UGT1A3: variants seen among roughly 807,000 people sequenced by gnomAD.
The protein encoded by UGT1A3 is UDP glucuronosyltransferase family 1 member A3, also known as UDP-glucuronosyltransferase 1A3.
Under a neutral mutation model 41.0 loss-of-function variants are expected in UGT1A3, and 31 were observed. That is an observed-to-expected ratio of 0.76 (90% CI 0.57 to 1.02). The LOEUF (loss-of-function observed/expected upper bound fraction) is 1.02. Among genes scored for constraint, UGT1A3 ranks in the 50% least tolerant of loss-of-function variants. UGT1A3 has a pLI of 0.00. For synonymous variants in UGT1A3, 262 were observed against 257.6 expected (o/e 1.02, Z -0.17); for missense variants, 737 against 671.0 (o/e 1.10, Z -1.09).
At position 233,729,551 on chromosome 2, in the gene UGT1A3, A is replaced by G. The variant is rs749535297; in HGVS notation, c.425A>G (p.Asn142Ser). ...AATGAGGCCCTGATCAGGCACCTGAATGCTACTTCCTTTGATGTGGTTTTA... is the reference window on the plus strand; with the variant it reads ...AATGAGGCCCTGATCAGGCACCTGAGTGCTACTTCCTTTGATGTGGTTTTA... ...LHNEALIRHLNATSFDVVLTD... is the reference protein window; with the variant it reads ...LHNEALIRHLSATSFDVVLTD... Residue 142 changes from asparagine (N) to serine (S), a missense_variant, in exon 1 of 5, where the codon AAT becomes AGT. Physicochemically the swap from Asn to Ser is conservative, Grantham distance 46. Transcript: ENST00000482026. The G allele has an allele frequency of 1.9e-6, 3 of 1,614,038 alleles. No homozygotes were observed. The highest frequency in any genetic ancestry group is 2.5e-6 in the Non-Finnish European group (3 of 1,180,022).
chr2:233,744,393 C>T (rs17864702), intron 1 of UGT1A3, among the ~76,000 whole-genome samples: 2,182 of 151,914 alleles, frequency 0.014, 41 homozygotes, highest in South Asian at 0.024. Context: ...GTTCCAGCCC[C>T]GGTGCCCATT....
chr2:233,745,526 T>C (rs1383340744), intron 1 of UGT1A3, among the ~76,000 whole-genome samples: 1 of 151,838 alleles, frequency 6.6e-6, no homozygotes, highest in Admixed American at 6.5e-5. Flanking sequence ...CTAATGGGGA[T>C]GTGTTATGTC....
At chr2:233,766,610 TC>T (rs1292898350) in intron 1 of UGT1A3, among the ~76,000 whole-genome samples, 1 of 152,172 alleles carries the variant, frequency 6.6e-6, no homozygotes, top group Non-Finnish European at 1.5e-5. Context: ...CACACCCTCT[TC>T]TACCCAGCAC....
At chr2:233,746,459 A>G (rs1222925950) in intron 1 of UGT1A3, among the ~76,000 whole-genome samples, 1 of 151,694 alleles carries the variant, frequency 6.6e-6, no homozygotes, top group African/African-American at 2.4e-5. Flanking sequence ...GTACCTTCAA[A>G]AGGGTTCCAG....
chr2:233,745,271 G>A (rs1376057021), intron 1 of UGT1A3, among the ~76,000 whole-genome samples: 1 of 151,866 alleles, frequency 6.6e-6, no homozygotes, highest in Non-Finnish European at 1.5e-5. Flanking sequence ...TGCAGGCCGT[G>A]TGTATAGCAC....
intron 1 of UGT1A3, among the ~76,000 whole-genome samples, chr2:233,744,256 G>A (rs1276151413): frequency 2.0e-5 from 3 of 151,770 alleles, no homozygotes; most frequent in Admixed American, 1.3e-4. Context: ...CTGAAGAACT[G>A]TTTTTCTTAA....
chr2:233,760,736 C>G lies in UGT1A3; in HGVS notation c.868-6298C>G, dbSNP rs371418452. 6 of 1,614,160 alleles carry G rather than the reference C, an allele frequency of 3.7e-6. No homozygotes were observed. Among genetic ancestry groups the G allele is most frequent in the Non-Finnish European group, 5.1e-6 (6 of 1,180,028 alleles). Reference sequence around the variant, plus strand: ...GAAAGCAGCTTTGATGTCATGCTGACGGACCCTTTCCTTCCTTGCAGCCCC... The same window carrying G: ...GAAAGCAGCTTTGATGTCATGCTGAGGGACCCTTTCCTTCCTTGCAGCCCC... On this transcript the variant is annotated intron_variant, in intron 1 of 4. Coordinates refer to ENST00000482026, the MANE Select transcript of UGT1A3 (RefSeq NM_019093.4).
At chr2:233,744,063 A>G (rs181200285) in intron 1 of UGT1A3, 66 of 569,246 alleles carry the variant, frequency 1.2e-4, no homozygotes, top group East Asian at 7.6e-4. Flanking sequence ...GTCGAGGCCT[A>G]TGAGCGCCTC....
chr2:233,762,546 T>C (rs1698100771), intron 1 of UGT1A3, among the ~76,000 whole-genome samples: 1 of 152,252 alleles, frequency 6.6e-6, no homozygotes. Context: ...CCACAGTGTA[T>C]TCTGCTGGAG....
In UGT1A3 at chr2:233,744,339, T is replaced by C. The variant is rs368123082; in HGVS notation, c.867+14346T>C. Among the ~76,000 whole-genome samples, 73 of 151,998 alleles carry C rather than the reference T, an allele frequency of 4.8e-4. No individual in the cohort carries two copies. The East Asian group carries it at 9.6e-3, about 20-fold the overall frequency. ...GTGGTGGGAGTGAGTTTAGTCTGAC[T>C]GGGGCTGAAGACATCCTGTTGTTTA... On this transcript the variant is annotated intron_variant, in intron 1 of 4. Coordinates refer to ENST00000482026, the MANE Select transcript of UGT1A3 (RefSeq NM_019093.4).
Position 233,729,529 on chromosome 2 carries a change from G to A in UGT1A3, c.403G>A (p.Glu135Lys), listed in dbSNP as rs764609992. 2.5e-6 allele frequency: 4 copies of A among 1,614,202 alleles called. No homozygotes were observed. The South Asian group carries it at 3.3e-5, about 13-fold the overall frequency. Residue 135 changes from glutamate to lysine, a missense_variant, in exon 1 of 5, where the codon GAG (glutamate) becomes AAG (lysine). Physicochemically the swap from Glu to Lys is moderately conservative, Grantham distance 56 (BLOSUM62 1). Coordinates refer to ENST00000482026, the MANE Select transcript of UGT1A3 (RefSeq NM_019093.4). ...GTCTTGTGTGGAGCTACTACATAAT[G>A]AGGCCCTGATCAGGCACCTGAATGC... ...HRSCVELLHNEALIRHLNATS... is the reference protein window; with the variant it reads ...HRSCVELLHNKALIRHLNATS...
chr2:233,761,889 C>G (rs2125994271), intron 1 of UGT1A3, among the ~76,000 whole-genome samples: 1 of 152,322 alleles, frequency 6.6e-6, no homozygotes, highest in Middle Eastern at 3.4e-3. Context: ...TTCACTTATC[C>G]TGCAAAGATT....
At position 233,769,494 on chromosome 2, in the gene UGT1A3, A is replaced by C. The variant is rs761998450; in HGVS notation, c.1307+1055A>C. On this transcript the variant is annotated intron_variant, in intron 4 of 4. Coordinates refer to ENST00000482026, the MANE Select transcript of UGT1A3 (RefSeq NM_019093.4). The surrounding 1 kb of genome is among the most constrained non-coding windows in gnomAD (Gnocchi z 4.4). Reference sequence around the variant, plus strand: ...GTGTGTGTGTGCGTGTGTTTATGAGAGTGTCCATTGCTTTCTCCCATGGTT... The same window carrying C: ...GTGTGTGTGTGCGTGTGTTTATGAGCGTGTCCATTGCTTTCTCCCATGGTT... 1.9e-6 allele frequency: 3 copies of C among 1,612,660 alleles called. No individual in the cohort carries two copies. Among genetic ancestry groups the C allele is most frequent in the South Asian group, 2.2e-5 (2 of 91,046 alleles).
At chr2:233,743,757 C>G (rs774172513) in intron 1 of UGT1A3, 2 of 1,367,374 alleles carry the variant, frequency 1.5e-6, no homozygotes, top group South Asian at 1.1e-5. Context: ...GACAACACCT[C>G]GTAGGCCTCG....
rs767732319 is a variant in UGT1A3, at chr2:233,772,468, T to A, written c.1514T>A (p.Phe505Tyr). ...FLLAVVLTVA[F>Y]ITFKCCAYGY... Reference sequence around the variant, plus strand: ...TTGGCCGTCGTGCTGACAGTGGCCTTCATCACCTTTAAATGTTGTGCTTAT... The same window carrying A: ...TTGGCCGTCGTGCTGACAGTGGCCTACATCACCTTTAAATGTTGTGCTTAT... The change falls in exon 5 of 5, where the codon TTC (phenylalanine) becomes TAC (tyrosine). Residue 505 changes from phenylalanine (F) to tyrosine (Y), a missense_variant. Physicochemically the swap from Phe to Tyr is conservative, Grantham distance 22. Transcript: ENST00000482026. The A allele has an allele frequency of 3.7e-6, 6 of 1,614,162 alleles. No homozygotes were observed. In the South Asian group the frequency reaches 6.6e-5, roughly 18 times the overall value.
At chr2:233,764,915 C>T (rs892234743) in intron 1 of UGT1A3, among the ~76,000 whole-genome samples, 15 of 152,136 alleles carry the variant, frequency 9.9e-5, no homozygotes, top group East Asian at 1.9e-4. Context: ...AGAGGACTCA[C>T]GAGGGCCTGG....
chr2:233,764,618 A>G (rs1306085339), intron 1 of UGT1A3, among the ~76,000 whole-genome samples: 3 of 152,108 alleles, frequency 2.0e-5, no homozygotes, highest in Non-Finnish European at 2.9e-5. Flanking sequence ...AGTGGGTTTC[A>G]TGAAGAGCAA....
At chr2:233,741,204 T>C (rs1691587952) in intron 1 of UGT1A3, among the ~76,000 whole-genome samples, 1 of 151,922 alleles carries the variant, frequency 6.6e-6, no homozygotes, top group Admixed American at 6.5e-5. Flanking sequence ...CTGTTAAAAC[T>C]AGCCAGAGTT....
intron 1 of UGT1A3, among the ~76,000 whole-genome samples, chr2:233,753,898 C>T (rs1695337682): frequency 6.6e-6 from 1 of 152,234 alleles, no homozygotes; most frequent in Non-Finnish European, 1.5e-5. Context: ...AAGGAACATG[C>T]TTCTTACACC....
Sources: allele counts gnomAD v4.1 joint callset (sites outside exome capture counted in the v4.1 genomes callset), GRCh38; gene constraint gnomAD v4.1.1; non-coding constraint Gnocchi (gnomAD v3.1); transcripts MANE v1.5; gene names NCBI Gene and HGNC (gene_info 2026-07-23, HGNC 2026-07-21).